Variants in CENPC observed in about 807,000 individuals in gnomAD.
The protein encoded by CENPC is centromere protein C.
In CENPC, 63 loss-of-function variants were observed where a neutral mutation model predicts 112.1. That is an observed-to-expected ratio of 0.56 (90% CI 0.46 to 0.69). CENPC has a LOEUF of 0.69. Among genes scored for constraint, CENPC ranks in the 30% least tolerant of loss-of-function variants. The pLI is 0.00. For missense variants in CENPC, 1,000 were observed against 1,103.8 expected, an observed-to-expected ratio of 0.91 and a Z score of 1.33; for synonymous variants, 333 against 367.6, an observed-to-expected ratio of 0.91 and a Z score of 1.08.
intron 17 of CENPC, among the ~76,000 whole-genome samples, chr4:67,483,082 G>C (rs142714557): frequency 0.011 from 1,684 of 152,238 alleles, 27 homozygotes; most frequent in African/African-American, 0.038. Context: ...ATGTGAAAAA[G>C]GACATGTTTG....
At chr4:67,504,838 G>A (rs1473216339) in intron 12 of CENPC, among the ~76,000 whole-genome samples, 1 of 151,818 alleles carries the variant, frequency 6.6e-6, no homozygotes. Flanking sequence ...AAAAAAAAAG[G>A]AAATTTTCAA....
chr4:67,484,041 C>A (rs1206964399), intron 17 of CENPC, among the ~76,000 whole-genome samples: 1 of 152,222 alleles, frequency 6.6e-6, no homozygotes, highest in Non-Finnish European at 1.5e-5. Flanking sequence ...TAGGTCTTCA[C>A]ATTTACTCAG....
At position 67,506,857 on chromosome 4, in the gene CENPC, T is replaced by A; in HGVS notation, c.1982A>T (p.Tyr661Phe). Reference protein sequence around the residue: ...NVPLKPQTSGYTCNIPTESNL... With the variant: ...NVPLKPQTSGFTCNIPTESNL... The stretch of plus-strand genomic sequence containing the variant: ...TGACTCTGTTGGTATATTACATGTA[T>A]ATCCACTGGTCTGAGGCTTTAGGGG... Residue 661 changes from tyrosine to phenylalanine, a missense_variant, in exon 11 of 19, where the codon TAT (tyrosine) becomes TTT (phenylalanine). Coordinates refer to ENST00000273853, the MANE Select transcript of CENPC (RefSeq NM_001812.4). 6.2e-7 allele frequency: 1 copy of A among 1,612,244 alleles called. No individual in the cohort carries two copies. Among genetic ancestry groups the A allele is most frequent in the Non-Finnish European group, 8.5e-7 (1 of 1,178,716 alleles).
intron 18 of CENPC, 145 bp downstream of exon 18, chr4:67,474,743 T>C: frequency 3.1e-6 from 2 of 646,950 alleles, no homozygotes. Flanking sequence ...ACTTACCTAA[T>C]GATCAAATGA....
At chr4:67,498,744 G>T (rs913389272) in intron 12 of CENPC, among the ~76,000 whole-genome samples, 2 of 152,098 alleles carry the variant, frequency 1.3e-5, no homozygotes, top group African/African-American at 4.8e-5. Context: ...TTGAAGTCTT[G>T]AACCCTTCAA....
Position 67,519,369 on chromosome 4 carries a change from G to C in CENPC, c.465C>G (p.Ser155=). Reference sequence around the variant, plus strand: ...CCAAAAGAACAGAAGGTGAGCCAACGGATAAGTAAAATTCTTCATCAGCTT... The same window carrying C: ...CCAAAAGAACAGAAGGTGAGCCAACCGATAAGTAAAATTCTTCATCAGCTT... ...HSEADEEFYL[S]VGSPSVLLDA... Residue 155 remains serine, a synonymous_variant, in exon 6 of 19, where the codon TCC becomes TCG. Coordinates refer to ENST00000273853, the MANE Select transcript of CENPC (RefSeq NM_001812.4). The C allele has an allele frequency of 6.2e-7, 1 of 1,613,138 alleles. No individual in the cohort carries two copies. The highest frequency in any genetic ancestry group is 8.5e-7 in the Non-Finnish European group (1 of 1,179,486).
intron 12 of CENPC, among the ~76,000 whole-genome samples, chr4:67,503,055 C>G (rs1395483625): frequency 6.6e-6 from 1 of 152,170 alleles, no homozygotes; most frequent in Non-Finnish European, 1.5e-5. Context: ...TGCAGTGATT[C>G]TGTTAATACA....
In CENPC at chr4:67,514,580, G is replaced by A. The variant is rs1245479423; in HGVS notation, c.938C>T (p.Ala313Val). 9 of 1,609,556 alleles carry A rather than the reference G, an allele frequency of 5.6e-6. No homozygotes were observed. In the African/African-American group the frequency reaches 1.1e-4, roughly 19 times the overall value. The change falls in exon 8 of 19, where the codon GCC (alanine) becomes GTC (valine). Residue 313 changes from alanine to valine, a missense_variant. Ala to Val is a moderately conservative substitution (Grantham distance 64). Transcript: ENST00000273853. ...FIIDESDQSF[A>V]SRSWITIPRK... The stretch of plus-strand genomic sequence containing the variant: ...TGGTATTGTAATCCAAGATCTACTG[G>A]CAAAACTTTGATCCGACTCATCAAT...
Position 67,471,466 on chromosome 4 carries a change from T to C in CENPC, c.*1139A>G, listed in dbSNP as rs1302622435. 1 of 152,012 alleles carries C rather than the reference T, an allele frequency of 6.6e-6. No homozygotes were observed. The highest frequency in any genetic ancestry group is 1.9e-4 in the East Asian group (1 of 5,188). The allele number at this position is 152,012 out of a possible 1,614,324, so 9.4% of individuals were successfully genotyped here. On this transcript the variant is annotated 3_prime_UTR_variant, in exon 19 of 19. Transcript: ENST00000273853. ...GCATTCAGTGAAAACTAAATCTGTA[T>C]GGGCCCAGATACTTGATTAGTCAAG... is the stretch of plus-strand genomic sequence containing the variant.
At chr4:67,516,652 G>A (rs532713951) in intron 7 of CENPC, among the ~76,000 whole-genome samples, 28 of 151,980 alleles carry the variant, frequency 1.8e-4, no homozygotes, top group African/African-American at 6.5e-4. Flanking sequence ...AACTAATAAA[G>A]AACAAAGTCA....
rs1435050416 is a variant in CENPC at position 67,519,451 on chromosome 4, T to C, written c.383A>G (p.Lys128Arg). 5 of 1,606,778 alleles carry C rather than the reference T, an allele frequency of 3.1e-6. No homozygotes were observed. In the African/African-American group the frequency reaches 5.3e-5, roughly 17 times the overall value. ...QKILATDVSSKNTPDSKKISS... is the reference protein window; with the variant it reads ...QKILATDVSSRNTPDSKKISS... ...TATTTTTTTCGAGTCAGGTGTATTTTTGGAACTAACATCAGTTGCCAGAAT... is the reference window on the plus strand; with the variant it reads ...TATTTTTTTCGAGTCAGGTGTATTTCTGGAACTAACATCAGTTGCCAGAAT... The change falls in exon 6 of 19, where the codon AAA becomes AGA. Residue 128 changes from lysine (K) to arginine (R), a missense_variant. Physicochemically the swap from Lys to Arg is conservative, Grantham distance 26. Coordinates refer to ENST00000273853, the MANE Select transcript of CENPC (RefSeq NM_001812.4).
In CENPC at chr4:67,517,604, G is replaced by A. The variant is rs980303958; in HGVS notation, c.830+552C>T. Reference sequence around the variant, plus strand: ...TGTAATCCCAGCACTTTGGGAGGCCGAGGCAGATGGATCACCTGAGGTCAG... The same window carrying A: ...TGTAATCCCAGCACTTTGGGAGGCCAAGGCAGATGGATCACCTGAGGTCAG... On this transcript the variant is annotated intron_variant, in intron 7 of 18. Coordinates refer to ENST00000273853, the MANE Select transcript of CENPC (RefSeq NM_001812.4). Among the ~76,000 whole-genome samples the A allele has an allele frequency of 1.4e-4, 21 of 151,716 alleles. No homozygotes were observed. The East Asian group carries it at 2.0e-3, about 14-fold the overall frequency.
chr4:67,479,639 C>T (rs1577970723), intron 17 of CENPC, among the ~76,000 whole-genome samples: 1 of 152,214 alleles, frequency 6.6e-6, no homozygotes, highest in East Asian at 1.9e-4. Flanking sequence ...CACAAATACA[C>T]AATCTAAGGT....
At chr4:67,517,513 A>G (rs1392402448) in intron 7 of CENPC, among the ~76,000 whole-genome samples, 1 of 151,790 alleles carries the variant, frequency 6.6e-6, no homozygotes, top group Non-Finnish European at 1.5e-5. Context: ...TGATAGTGAC[A>G]TAAGGGCAGC....
chr4:67,516,184 C>T (rs1393942473), intron 7 of CENPC, among the ~76,000 whole-genome samples: 2 of 151,960 alleles, frequency 1.3e-5, no homozygotes, highest in Non-Finnish European at 2.9e-5. Flanking sequence ...TGAGATTACA[C>T]AGTACCTCCT....
intron 7 of CENPC, among the ~76,000 whole-genome samples, chr4:67,515,719 G>A (rs1463475585): frequency 6.6e-6 from 1 of 151,856 alleles, no homozygotes; most frequent in Admixed American, 6.6e-5. Context: ...CCAAGTTTGG[G>A]TATTTCACAT....
intron 5 of CENPC, among the ~76,000 whole-genome samples, chr4:67,526,694 A>T (rs919540579): frequency 6.6e-6 from 1 of 152,142 alleles, no homozygotes. Context: ...AAAACCATAC[A>T]AACACAGCAT....
At chr4:67,483,963 G>C (rs1298239880) in intron 17 of CENPC, among the ~76,000 whole-genome samples, 1 of 152,140 alleles carries the variant, frequency 6.6e-6, no homozygotes, top group African/African-American at 2.4e-5. Flanking sequence ...GAAAAATTCT[G>C]TTTATGAATT....
intron 17 of CENPC, among the ~76,000 whole-genome samples, chr4:67,480,227 G>A (rs1036352936): frequency 3.9e-5 from 6 of 152,136 alleles, no homozygotes; most frequent in African/African-American, 1.4e-4. Context: ...GCTGAGGCAG[G>A]AGAATCACTT....
Sources: allele counts gnomAD v4.1 joint callset (sites outside exome capture counted in the v4.1 genomes callset), GRCh38; gene constraint gnomAD v4.1.1; transcripts MANE v1.5; gene names NCBI Gene and HGNC (gene_info 2026-07-23, HGNC 2026-07-21).